Variants in EHMT1 observed in about 807,000 individuals in gnomAD.
EHMT1 encodes the protein euchromatic histone lysine methyltransferase 1.
A neutral mutation model predicts 147.2 loss-of-function variants in EHMT1; 15 were observed. The ratio of observed to expected loss-of-function variants is 0.10; its 90% CI spans 0.07 to 0.16. The LOEUF (loss-of-function observed/expected upper bound fraction) is 0.16. Among genes scored for constraint, EHMT1 ranks in the 10% least tolerant of loss-of-function variants. EHMT1 has a pLI of 1.00. For synonymous variants in EHMT1, 795 were observed against 709.6 expected, an observed-to-expected ratio of 1.12 and a Z score of -1.91; for missense variants, 1,587 against 1,772.4, an observed-to-expected ratio of 0.90 and a Z score of 1.88.
chr9:137,741,166 C>T (rs1271184407), intron 4 of EHMT1, among the ~76,000 whole-genome samples: 3 of 151,984 alleles, frequency 2.0e-5, no homozygotes, highest in East Asian at 1.9e-4. Flanking sequence ...TTAGTAGAGA[C>T]GGGGTTTCAC....
intron 3 of EHMT1, among the ~76,000 whole-genome samples, chr9:137,728,018 A>C (rs954337153): frequency 4.6e-5 from 7 of 152,240 alleles, no homozygotes; most frequent in Non-Finnish European, 8.8e-5. Flanking sequence ...GCAAAGAACC[A>C]GCTAGAAAAT....
chr9:137,823,836 G>C (rs1392730221), intron 25 of EHMT1, among the ~76,000 whole-genome samples: 1 of 152,266 alleles, frequency 6.6e-6, no homozygotes, highest in Admixed American at 6.5e-5. Context: ...GGGATTACAG[G>C]CGTGAGCCAC....
At chr9:137,710,905 G>A (rs1412120823) in intron 1 of EHMT1, 62 bp from the exon 2 acceptor site, 1 of 1,532,628 alleles carries the variant, frequency 6.5e-7, no homozygotes, top group Middle Eastern at 1.7e-4. Flanking sequence ...TCCAAATGAT[G>A]TCCATTTGGA....
intron 3 of EHMT1, among the ~76,000 whole-genome samples, chr9:137,725,296 C>T (rs984892054): frequency 5.3e-5 from 8 of 151,820 alleles, no homozygotes; most frequent in Non-Finnish European, 1.2e-4. Flanking sequence ...GTGTGGCCTT[C>T]GTGTGGCAGA....
intron 1 of EHMT1, among the ~76,000 whole-genome samples, chr9:137,684,112 T>C (rs1942216123): frequency 6.6e-6 from 1 of 152,114 alleles, no homozygotes; most frequent in African/African-American, 2.4e-5. Flanking sequence ...CACGGCTCAC[T>C]GTAGCCTCGA....
At chr9:137,631,291 C>T (rs1299659434) in intron 1 of EHMT1, among the ~76,000 whole-genome samples, 1 of 151,992 alleles carries the variant, frequency 6.6e-6, no homozygotes, top group East Asian at 1.9e-4. Context: ...ACTCGGGAGG[C>T]TGAGGCAGGA....
intron 1 of EHMT1, among the ~76,000 whole-genome samples, chr9:137,636,280 T>C (rs1844066523): frequency 6.6e-6 from 1 of 152,232 alleles, no homozygotes; most frequent in Non-Finnish European, 1.5e-5. Context: ...TATTGGATCT[T>C]GTATCCTGCA....
chr9:137,725,208 C>T (rs1470805943), intron 3 of EHMT1, among the ~76,000 whole-genome samples: 1 of 149,082 alleles, frequency 6.7e-6, no homozygotes, highest in African/African-American at 2.5e-5. Flanking sequence ...GTGTGGCCTT[C>T]GTGGGGCAGG....
At chr9:137,800,759 G>C (rs1953408801) in intron 17 of EHMT1, 121 bp from the exon 18 acceptor site, 2 of 800,206 alleles carry the variant, frequency 2.5e-6, no homozygotes, top group South Asian at 3.0e-5. Flanking sequence ...GGTCCTGAGT[G>C]AGACGCCTGC....
intron 1 of EHMT1, among the ~76,000 whole-genome samples, chr9:137,690,375 C>T (rs898465580): frequency 7.2e-5 from 11 of 151,886 alleles, no homozygotes; most frequent in African/African-American, 2.4e-4. Context: ...CTGAGCTTAG[C>T]GGCTCATGCT....
rs1258594629 is a variant in EHMT1 at position 137,706,063 on chromosome 9, G to C, written c.22-4904G>C. Among the ~76,000 whole-genome samples, 11 of 148,942 alleles carry C rather than the reference G, an allele frequency of 7.4e-5. No homozygotes were observed. In the Admixed American group the frequency reaches 7.4e-4, roughly 10 times the overall value. On this transcript the variant is annotated intron_variant, in intron 1 of 26. Transcript: ENST00000460843. ...TGTGCGTTGGGGGGTTGGGGGTGGG[G>C]CGTCAGCAGGGGTGGGGCATCAGGG...
At chr9:137,648,099 T>G (rs1009518407) in intron 1 of EHMT1, among the ~76,000 whole-genome samples, 4 of 152,216 alleles carry the variant, frequency 2.6e-5, no homozygotes, top group Admixed American at 2.6e-4. Flanking sequence ...GTAATGAATT[T>G]GTACTTATTA....
chr9:137,702,977 C>T (rs1588249536), intron 1 of EHMT1, among the ~76,000 whole-genome samples: 1 of 152,230 alleles, frequency 6.6e-6, no homozygotes, highest in African/African-American at 2.4e-5. Context: ...TAGGTGGAGG[C>T]TCCCAAGCCT....
At chr9:137,730,381 G>C (rs1219273910) in intron 4 of EHMT1, among the ~76,000 whole-genome samples, 1 of 151,682 alleles carries the variant, frequency 6.6e-6, no homozygotes, top group East Asian at 1.9e-4. Context: ...GATTATTTCA[G>C]TTTCTGCTGT....
intron 1 of EHMT1, among the ~76,000 whole-genome samples, chr9:137,677,897 A>C (rs1311933671): frequency 6.7e-6 from 1 of 148,638 alleles, no homozygotes; most frequent in Non-Finnish European, 1.5e-5. Flanking sequence ...TCTCGACTAA[A>C]AATACAAAAA....
chr9:137,795,401 G>GCGCACACACACACACACA (rs1554887412), intron 16 of EHMT1, among the ~76,000 whole-genome samples: 36 of 130,282 alleles, frequency 2.8e-4, no homozygotes, highest in East Asian at 4.6e-4. Context: ...ATCGCAGGGT[G>GCGCACACACACACACACA]CACACACACA....
chr9:137,780,883 T>C, intron 14 of EHMT1, among the ~76,000 whole-genome samples: 1 of 100,560 alleles, frequency 9.9e-6, no homozygotes, highest in East Asian at 3.5e-4. Flanking sequence ...CCGGGATGTG[T>C]GGTGATGACG....
At chr9:137,675,699 C>A (rs1564571520) in intron 1 of EHMT1, among the ~76,000 whole-genome samples, 1 of 149,190 alleles carries the variant, frequency 6.7e-6, no homozygotes, top group Admixed American at 6.7e-5. Flanking sequence ...GCAACCTCCA[C>A]CTCCCGGGTT....
At chr9:137,768,527 G>GT (rs1564725367) in intron 10 of EHMT1, among the ~76,000 whole-genome samples, 2 of 28,140 alleles carry the variant, frequency 7.1e-5, no homozygotes, top group Non-Finnish European at 1.6e-4. Context: ...CTAATTTTTT[G>GT]TATTTTTTTT....
Sources: gnomAD v4.1 joint callset for allele counts (sites outside exome capture counted in the v4.1 genomes callset) on GRCh38, gnomAD v4.1.1 for gene constraint, MANE v1.5 for transcripts, NCBI Gene and HGNC (gene_info 2026-07-23, HGNC 2026-07-21) for gene names.